Variants in ATOSA observed in about 807,000 individuals in gnomAD.
The protein encoded by ATOSA is atos homolog A.
the ATOSA span, among the ~76,000 whole-genome samples, chr15:52,706,116 A>T: frequency 1.3e-5 from 2 of 152,216 alleles, no homozygotes; most frequent in African/African-American, 4.8e-5. Context: ...AGGGAATTAC[A>T]CTTCTGTGAG....
chr15:52,672,227 T>C, the ATOSA span, among the ~76,000 whole-genome samples: 278 of 145,114 alleles, frequency 1.9e-3, 1 homozygote, highest in African/African-American at 6.9e-3. Flanking sequence ...CGTGCACCTG[T>C]AGTCCCAGCT....
At chr15:52,631,910 T>A in the ATOSA span, among the ~76,000 whole-genome samples, 29 of 152,254 alleles carry the variant, frequency 1.9e-4, no homozygotes, top group African/African-American at 7.0e-4. Context: ...GCTATTTTTT[T>A]AAACTTTTCT....
the ATOSA span, among the ~76,000 whole-genome samples, chr15:52,670,685 A>G: frequency 2.8e-4 from 43 of 152,362 alleles, no homozygotes; most frequent in Middle Eastern, 3.4e-3. Flanking sequence ...AAATCCTCAT[A>G]CTGTGTGAAT....
the ATOSA span, among the ~76,000 whole-genome samples, chr15:52,624,977 C>G: frequency 6.6e-6 from 1 of 152,022 alleles, no homozygotes; most frequent in African/African-American, 2.4e-5. Flanking sequence ...TGGGGTTTTA[C>G]CATGTTGGTC....
the ATOSA span, chr15:52,611,504 A>C: frequency 6.8e-7 from 1 of 1,481,412 alleles, no homozygotes; most frequent in South Asian, 1.2e-5. Context: ...TGATACATTA[A>C]AATAATTTAT....
the ATOSA span, among the ~76,000 whole-genome samples, chr15:52,674,562 C>T: frequency 6.6e-6 from 1 of 152,082 alleles, no homozygotes. Flanking sequence ...ATATAGAAGC[C>T]ATAATTGTAA....
the ATOSA span, among the ~76,000 whole-genome samples, chr15:52,691,350 G>T: frequency 2.0e-5 from 3 of 152,012 alleles, no homozygotes; most frequent in Admixed American, 6.6e-5. Context: ...AACTAAATAG[G>T]TTGCAGTTTA....
At chr15:52,613,682 C>G in the ATOSA span, 1 of 1,613,698 alleles carries the variant, frequency 6.2e-7, no homozygotes, top group Admixed American at 1.7e-5. Flanking sequence ...CCTGGGCCAG[C>G]TTGTCACTAC....
At chr15:52,675,256 A>G in the ATOSA span, among the ~76,000 whole-genome samples, 1 of 152,236 alleles carries the variant, frequency 6.6e-6, no homozygotes, top group Non-Finnish European at 1.5e-5. Flanking sequence ...TTCAAAGTAC[A>G]GTAGAAACTC....
chr15:52,589,797 T>G, the ATOSA span, among the ~76,000 whole-genome samples: 1 of 152,160 alleles, frequency 6.6e-6, no homozygotes, highest in African/African-American at 2.4e-5. Context: ...TCTGGCATTT[T>G]TTTTTTTTGA....
At chr15:52,707,441 T>A in the ATOSA span, among the ~76,000 whole-genome samples, 1 of 152,074 alleles carries the variant, frequency 6.6e-6, no homozygotes, top group Non-Finnish European at 1.5e-5. Flanking sequence ...GCACAGCAGA[T>A]AAACCCGTCA....
At chr15:52,650,273 T>C in the ATOSA span, among the ~76,000 whole-genome samples, 1 of 152,116 alleles carries the variant, frequency 6.6e-6, no homozygotes, top group Admixed American at 6.6e-5. Context: ...TTGAAGTGAG[T>C]GCTTTATATT....
chr15:52,641,721 T>C, the ATOSA span, among the ~76,000 whole-genome samples: 20 of 152,314 alleles, frequency 1.3e-4, no homozygotes, highest in South Asian at 3.5e-3. Context: ...TAAATGGCAG[T>C]TGTAAATATA....
chr15:52,622,414 T>C, the ATOSA span, among the ~76,000 whole-genome samples: 40 of 152,250 alleles, frequency 2.6e-4, no homozygotes, highest in African/African-American at 9.6e-4. Flanking sequence ...AGAATGGGAC[T>C]CTCAGTTAAC....
the ATOSA span, among the ~76,000 whole-genome samples, chr15:52,594,914 T>C: frequency 6.6e-6 from 1 of 152,208 alleles, no homozygotes; most frequent in Non-Finnish European, 1.5e-5. Context: ...GTCTATAGGA[T>C]GAGGTCAACA....
chr15:52,615,926 T>C, the ATOSA span, among the ~76,000 whole-genome samples: 1 of 152,178 alleles, frequency 6.6e-6, no homozygotes, highest in Admixed American at 6.5e-5. Flanking sequence ...GGTTAAGTAA[T>C]TTGCCCAAGA....
the ATOSA span, among the ~76,000 whole-genome samples, chr15:52,643,987 TA>T: frequency 7.2e-5 from 11 of 152,144 alleles, no homozygotes; most frequent in South Asian, 2.1e-4. Flanking sequence ...TGAAAGTCTT[TA>T]AAAATATTAT....
At chr15:52,648,531 T>C in the ATOSA span, 1 of 152,122 alleles carries the variant, frequency 6.6e-6, no homozygotes, top group Non-Finnish European at 1.5e-5. Flanking sequence ...TAACTATAAT[T>C]TCCTATCATA....
chr15:52,593,745 C>G, the ATOSA span: 1 of 1,516,928 alleles, frequency 6.6e-7, no homozygotes, highest in Non-Finnish European at 8.8e-7. Context: ...TCCTGGAAGA[C>G]AAAATAATTT....
Sources: gnomAD v4.1 joint callset for allele counts (sites outside exome capture counted in the v4.1 genomes callset) on GRCh38, gnomAD v4.1.1 for gene constraint, MANE v1.5 for transcripts, NCBI Gene and HGNC (gene_info 2026-07-23, HGNC 2026-07-21) for gene names.